MAGI3: variants seen among roughly 807,000 people sequenced by gnomAD.
MAGI3 encodes membrane associated guanylate kinase, WW and PDZ domain containing 3, also known as membrane-associated guanylate kinase, WW and PDZ domain-containing protein 3.
MAGI3 carries 43 observed loss-of-function variants against 121.8 expected under a neutral mutation model. The ratio of observed to expected loss-of-function variants is 0.35; its 90% CI spans 0.28 to 0.46. The LOEUF is 0.46. Ranked by LOEUF, MAGI3 falls within the 20% of genes least tolerant of loss-of-function variation. The probability of loss-of-function intolerance (pLI) is 1.00; values close to 1 mark genes in which losing one functional copy is unlikely to be tolerated. For missense variants in MAGI3, 1,547 were observed against 1,797.3 expected (o/e 0.86, Z 2.52); for synonymous variants, 553 against 639.3 (o/e 0.86, Z 2.04).
intron 9 of MAGI3, among the ~76,000 whole-genome samples, chr1:113,633,366 A>G (rs1317828228): frequency 7.3e-6 from 1 of 137,046 alleles, no homozygotes; most frequent in Non-Finnish European, 1.5e-5. Context: ...GGTTCACGCC[A>G]TTCTCCTGCC....
intron 7 of MAGI3, chr1:113,618,570 A>G (rs1349746113): frequency 4.6e-6 from 2 of 437,704 alleles, no homozygotes; most frequent in South Asian, 3.3e-5. Flanking sequence ...CAATGGCATG[A>G]TCTCGGCTCA....
chr1:113,422,407 C>T lies in MAGI3; in HGVS notation c.316+31058C>T, dbSNP rs1652769472. Among the ~76,000 whole-genome samples, 1 of 152,254 alleles carries T rather than the reference C, an allele frequency of 6.6e-6. No homozygotes were observed. The highest frequency in any genetic ancestry group is 2.1e-4 in the South Asian group (1 of 4,834). On this transcript the variant is annotated intron_variant, in intron 1 of 20. Transcript: ENST00000307546. The surrounding 1 kb of genome is among the most constrained non-coding windows in gnomAD (Gnocchi z 4.3). ...TTGAGTTTTGCTCGCACCTGCTGGGCTCGTTCTGCCCACTTGGCCTGTCAG... is the reference window on the plus strand; with the variant it reads ...TTGAGTTTTGCTCGCACCTGCTGGGTTCGTTCTGCCCACTTGGCCTGTCAG...
chr1:113,576,037 C>G (rs1405969221), intron 2 of MAGI3, among the ~76,000 whole-genome samples: 2 of 152,162 alleles, frequency 1.3e-5, no homozygotes, highest in African/African-American at 2.4e-5. Flanking sequence ...GGATGCCCCT[C>G]CCCCCACCAA....
chr1:113,566,596 A>C (rs943719178), intron 2 of MAGI3, among the ~76,000 whole-genome samples: 7 of 152,182 alleles, frequency 4.6e-5, no homozygotes, highest in African/African-American at 1.4e-4. Flanking sequence ...AAATTATGCA[A>C]AGTATCATCT....
intron 2 of MAGI3, among the ~76,000 whole-genome samples, chr1:113,554,003 G>T (rs545023132): frequency 6.6e-6 from 1 of 152,258 alleles, no homozygotes; most frequent in Non-Finnish European, 1.5e-5. Flanking sequence ...GCGAGACTAC[G>T]TCTCAAACAA....
chr1:113,668,933 G>A (rs2101015455), intron 16 of MAGI3, among the ~76,000 whole-genome samples: 1 of 152,298 alleles, frequency 6.6e-6, no homozygotes, highest in Admixed American at 6.5e-5. Context: ...ATTTTGCCTG[G>A]AACTGAAATG....
chr1:113,597,649 A>G (rs2101746163), intron 6 of MAGI3, among the ~76,000 whole-genome samples: 1 of 152,328 alleles, frequency 6.6e-6, no homozygotes, highest in East Asian at 1.9e-4. Flanking sequence ...GAAGGACTAA[A>G]GTACACTGAC....
intron 11 of MAGI3, among the ~76,000 whole-genome samples, chr1:113,645,904 C>G (rs1303143007): frequency 6.6e-6 from 1 of 152,170 alleles, no homozygotes; most frequent in Admixed American, 6.5e-5. Flanking sequence ...TCAAAATATG[C>G]TACTATGCTT....
intron 1 of MAGI3, among the ~76,000 whole-genome samples, chr1:113,459,283 T>C (rs1360027601): frequency 6.6e-6 from 1 of 152,230 alleles, no homozygotes; most frequent in African/African-American, 2.4e-5. Context: ...ATTTGTTATT[T>C]CTACATCAGT....
intron 1 of MAGI3, among the ~76,000 whole-genome samples, chr1:113,536,639 T>A (rs1243132899): frequency 6.6e-6 from 1 of 152,082 alleles, no homozygotes; most frequent in Admixed American, 6.6e-5. Context: ...TTTTTTTTTT[T>A]ACCAGTTGTG....
chr1:113,634,836 T>G (rs1406519600), intron 9 of MAGI3, among the ~76,000 whole-genome samples: 1 of 152,202 alleles, frequency 6.6e-6, no homozygotes, highest in Non-Finnish European at 1.5e-5. Context: ...TATGGCCATT[T>G]TCACGATATT....
chr1:113,622,683 C>A (rs1021346190), intron 8 of MAGI3, 123 bp from the exon 9 acceptor site: 4 of 772,796 alleles, frequency 5.2e-6, no homozygotes, highest in Non-Finnish European at 7.8e-6. Context: ...TAAGCACAGA[C>A]AAGGCAATGA....
rs374433209 is a variant in MAGI3, at chr1:113,619,847, A to G, written c.1171+17A>G. 5.2e-6 allele frequency: 8 copies of G among 1,548,322 alleles called. No homozygotes were observed. In the South Asian group the frequency reaches 5.7e-5, roughly 11 times the overall value. ...CAAAACCAGGTAAGCATTCTTTTCA[A>G]TCTTTTCTTCTAAGAATAACTTGTG... On this transcript the variant is annotated intron_variant, in intron 8 of 20. Transcript: ENST00000307546.
chr1:113,602,480 T>A (rs930360173), intron 6 of MAGI3, among the ~76,000 whole-genome samples: 4 of 152,188 alleles, frequency 2.6e-5, no homozygotes, highest in African/African-American at 9.6e-5. Flanking sequence ...AGAAGAAAGT[T>A]TATAGCACTA....
intron 1 of MAGI3, among the ~76,000 whole-genome samples, chr1:113,479,787 T>C (rs919111614): frequency 6.6e-6 from 1 of 152,158 alleles, no homozygotes; most frequent in Non-Finnish European, 1.5e-5. Context: ...TTAACTCCCT[T>C]TGCTTTTTGT....
chr1:113,434,079 G>A (rs1036914990), intron 1 of MAGI3, among the ~76,000 whole-genome samples: 1 of 152,078 alleles, frequency 6.6e-6, no homozygotes, highest in African/African-American at 2.4e-5. Context: ...GCCCTGATTT[G>A]TGATATTAGA....
At chr1:113,518,660 A>G (rs1658040796) in intron 1 of MAGI3, among the ~76,000 whole-genome samples, 1 of 152,114 alleles carries the variant, frequency 6.6e-6, no homozygotes. Flanking sequence ...TATTCTTTCT[A>G]TAGCTAACAG....
At chr1:113,589,160 T>C (rs1401049744) in intron 4 of MAGI3, among the ~76,000 whole-genome samples, 1 of 151,992 alleles carries the variant, frequency 6.6e-6, no homozygotes, top group Non-Finnish European at 1.5e-5. Flanking sequence ...AGTTTTCTTC[T>C]GCTTGCTTCT....
At chr1:113,628,075 GGTT>G (rs1039515479) in intron 9 of MAGI3, among the ~76,000 whole-genome samples, 1 of 151,852 alleles carries the variant, frequency 6.6e-6, no homozygotes, top group Non-Finnish European at 1.5e-5. Context: ...TTTGTTTTCT[GGTT>G]GTTTTGTGAT....
Sources: allele counts gnomAD v4.1 joint callset (sites outside exome capture counted in the v4.1 genomes callset), GRCh38; gene constraint gnomAD v4.1.1; non-coding constraint Gnocchi (gnomAD v3.1); transcripts MANE v1.5; gene names NCBI Gene and HGNC (gene_info 2026-07-23, HGNC 2026-07-21).